REDIC1: variants seen among roughly 807,000 people sequenced by gnomAD.
The protein encoded by REDIC1 is regulator of DNA class I crossover intermediates 1.
chr12:39,838,606 A>G, the REDIC1 span, among the ~76,000 whole-genome samples: 1 of 152,036 alleles, frequency 6.6e-6, no homozygotes, highest in African/African-American at 2.4e-5. Context: ...AAACCTAAAA[A>G]TGCTTCCAAT....
chr12:39,889,101 C>T, the REDIC1 span, among the ~76,000 whole-genome samples: 4 of 152,008 alleles, frequency 2.6e-5, no homozygotes, highest in Non-Finnish European at 5.9e-5. Context: ...AAGAATTGCT[C>T]TTATTTTTGC....
chr12:39,627,395 A>G, the REDIC1 span, among the ~76,000 whole-genome samples: 1 of 152,214 alleles, frequency 6.6e-6, no homozygotes, highest in Non-Finnish European at 1.5e-5. Context: ...TGAATTTAGT[A>G]TTCTTTAAAA....
chr12:39,676,096 G>C, the REDIC1 span, among the ~76,000 whole-genome samples: 1 of 151,782 alleles, frequency 6.6e-6, no homozygotes, highest in Admixed American at 6.6e-5. Context: ...TCCAAACCAA[G>C]AAGAAATCTC....
chr12:39,868,084 G>A, the REDIC1 span, among the ~76,000 whole-genome samples: 7 of 152,070 alleles, frequency 4.6e-5, no homozygotes, highest in East Asian at 7.7e-4. Context: ...TCAGTCCCTT[G>A]TTAGTATTTA....
the REDIC1 span, chr12:39,626,469 G>C: frequency 4.7e-5 from 66 of 1,403,916 alleles, no homozygotes; most frequent in Non-Finnish European, 6.2e-5. Flanking sequence ...TGGTAGGAAA[G>C]GGTCTTTTTA....
the REDIC1 span, among the ~76,000 whole-genome samples, chr12:39,879,061 G>A: frequency 1.1e-4 from 16 of 152,276 alleles, no homozygotes; most frequent in Admixed American, 1.0e-3. Flanking sequence ...GCTCCAGAAG[G>A]TGCAAGGCAT....
the REDIC1 span, among the ~76,000 whole-genome samples, chr12:39,856,983 T>G: frequency 5.9e-5 from 9 of 152,246 alleles, no homozygotes; most frequent in Non-Finnish European, 1.2e-4. Context: ...CAGTCCTGGA[T>G]AGTTTATTTC....
the REDIC1 span, chr12:39,871,971 A>T: frequency 6.4e-7 from 1 of 1,570,102 alleles, no homozygotes; most frequent in Non-Finnish European, 8.6e-7. Flanking sequence ...CCTGCAAAGC[A>T]ATGAATAAAA....
the REDIC1 span, among the ~76,000 whole-genome samples, chr12:39,811,988 G>C: frequency 2.3e-3 from 352 of 152,042 alleles, 1 homozygote; most frequent in Non-Finnish European, 3.8e-3. Flanking sequence ...TTTCTTTTAT[G>C]GTTATCTCAT....
chr12:39,752,654 G>A, the REDIC1 span, among the ~76,000 whole-genome samples: 1 of 152,146 alleles, frequency 6.6e-6, no homozygotes, highest in African/African-American at 2.4e-5. Flanking sequence ...ACAGGATTTT[G>A]AGCTGAAAAT....
At chr12:39,776,740 C>CT in the REDIC1 span, among the ~76,000 whole-genome samples, 2 of 139,186 alleles carry the variant, frequency 1.4e-5, no homozygotes, top group African/African-American at 2.7e-5. Context: ...ATTTTTCTTT[C>CT]TTTTTTTTAA....
At chr12:39,713,859 A>C in the REDIC1 span, among the ~76,000 whole-genome samples, 2 of 147,370 alleles carry the variant, frequency 1.4e-5, no homozygotes, top group Admixed American at 1.4e-4. Flanking sequence ...GCATATATAC[A>C]TACATATATA....
At chr12:39,692,575 C>T in the REDIC1 span, among the ~76,000 whole-genome samples, 1 of 151,368 alleles carries the variant, frequency 6.6e-6, no homozygotes, top group Non-Finnish European at 1.5e-5. Flanking sequence ...TACAGTTCAT[C>T]TGCTTTGATA....
chr12:39,703,136 GC>G, the REDIC1 span, among the ~76,000 whole-genome samples: 2 of 152,184 alleles, frequency 1.3e-5, no homozygotes, highest in Admixed American at 6.6e-5. Context: ...AAAAGAGGAA[GC>G]CAAATTGTCC....
the REDIC1 span, among the ~76,000 whole-genome samples, chr12:39,706,678 A>C: frequency 6.6e-6 from 1 of 152,014 alleles, no homozygotes; most frequent in Admixed American, 6.6e-5. Flanking sequence ...AATGGAACAG[A>C]ATAGAGAACC....
chr12:39,785,372 C>T, the REDIC1 span, among the ~76,000 whole-genome samples: 91 of 152,286 alleles, frequency 6.0e-4, no homozygotes, highest in Non-Finnish European at 9.7e-4. Context: ...TTCCATGTGG[C>T]GTTGAGCCTG....
At chr12:39,706,112 A>T in the REDIC1 span, among the ~76,000 whole-genome samples, 120,541 of 152,014 alleles carry the variant, frequency 0.79, 48,515 homozygotes, top group Non-Finnish European at 0.87. Context: ...ATAAAATCAA[A>T]AAAGTTGCAG....
the REDIC1 span, among the ~76,000 whole-genome samples, chr12:39,731,831 C>CG: frequency 6.9e-6 from 1 of 144,268 alleles, no homozygotes. Context: ...TGCTGCCTTT[C>CG]TTTTTTTTTT....
At chr12:39,765,497 A>AGAT in the REDIC1 span, among the ~76,000 whole-genome samples, 1 of 151,986 alleles carries the variant, frequency 6.6e-6, no homozygotes, top group East Asian at 1.9e-4. Context: ...TTGCCCCTGA[A>AGAT]GATATTACCA....
Sources: gnomAD v4.1 joint callset for allele counts (sites outside exome capture counted in the v4.1 genomes callset) on GRCh38, gnomAD v4.1.1 for gene constraint, MANE v1.5 for transcripts, NCBI Gene and HGNC (gene_info 2026-07-23, HGNC 2026-07-21) for gene names.